Variants in ADD3 observed in about 807,000 individuals in gnomAD.
ADD3 encodes the protein gamma-adducin.
ADD3 carries 25 observed loss-of-function variants against 80.2 expected under a neutral mutation model. That is an observed-to-expected ratio of 0.31 (90% CI 0.23 to 0.44). ADD3 has a LOEUF of 0.44. Ranked by LOEUF, ADD3 falls within the 20% of genes least tolerant of loss-of-function variation. The pLI is 1.00. For synonymous variants in ADD3, 284 were observed against 289.6 expected (o/e 0.98, Z 0.20); for missense variants, 829 against 847.5 (o/e 0.98, Z 0.27).
intron 1 of ADD3, among the ~76,000 whole-genome samples, chr10:110,032,612 C>G (rs1855178335): frequency 6.6e-6 from 1 of 152,082 alleles, no homozygotes; most frequent in African/African-American, 2.4e-5. Context: ...GTATAGTATG[C>G]TAGAAAGAGA....
intron 1 of ADD3, among the ~76,000 whole-genome samples, chr10:110,083,623 G>A (rs1846345565): frequency 6.6e-6 from 1 of 152,152 alleles, no homozygotes; most frequent in Non-Finnish European, 1.5e-5. Flanking sequence ...AATAGGGATG[G>A]ACTTTGAAGT....
chr10:110,020,780 T>C (rs1853579253), intron 1 of ADD3, among the ~76,000 whole-genome samples: 1 of 152,210 alleles, frequency 6.6e-6, no homozygotes, highest in Non-Finnish European at 1.5e-5. Flanking sequence ...GGATATATTT[T>C]AAAGATAGAA....
upstream of ADD3, among the ~76,000 whole-genome samples, chr10:110,000,868 T>A (rs554250981): frequency 2.0e-5 from 3 of 152,322 alleles, no homozygotes; most frequent in South Asian, 6.2e-4. Flanking sequence ...AAATAACACA[T>A]ATAAGACATT....
At chr10:110,119,662 T>C (rs1211368691) in intron 8 of ADD3, 98 bp downstream of exon 8, 30 of 1,037,884 alleles carry the variant, frequency 2.9e-5, no homozygotes, top group East Asian at 2.4e-5. Flanking sequence ...TTAGTGGCTT[T>C]TTGTCTTTTA....
chr10:110,003,302 G>GGGGTGTGTGTGTGTTTGT (rs140966434), upstream of ADD3, among the ~76,000 whole-genome samples: 1 of 146,942 alleles, frequency 6.8e-6, no homozygotes, highest in African/African-American at 2.6e-5. Flanking sequence ...GAACAGTAAG[G>GGGGTGTGTGTGTGTTTGT]GTGTGTGTGT....
chr10:110,019,660 CT>C (rs1853434870), intron 1 of ADD3, among the ~76,000 whole-genome samples: 1 of 152,072 alleles, frequency 6.6e-6, no homozygotes, highest in Non-Finnish European at 1.5e-5. Flanking sequence ...GGCTAGTTTT[CT>C]TTTATATAAA....
upstream of ADD3, chr10:110,006,119 C>T (rs1445807368): frequency 6.5e-6 from 1 of 154,458 alleles, no homozygotes; most frequent in Admixed American, 6.5e-5. Context: ...CGTCTACTAC[C>T]CTTGTTAGAA....
At chr10:110,052,802 A>G (rs1164613549) in intron 1 of ADD3, among the ~76,000 whole-genome samples, 1 of 152,360 alleles carries the variant, frequency 6.6e-6, no homozygotes, top group East Asian at 1.9e-4. Flanking sequence ...CAGTGACTCA[A>G]ATGAAAGGAA....
intron 1 of ADD3, among the ~76,000 whole-genome samples, chr10:110,072,562 T>G (rs1401740950): frequency 1.3e-5 from 2 of 152,128 alleles, no homozygotes; most frequent in Non-Finnish European, 2.9e-5. Flanking sequence ...TAGGAGGCTT[T>G]TCTTTACAAA....
intron 1 of ADD3, among the ~76,000 whole-genome samples, chr10:110,091,341 C>T (rs1164712601): frequency 6.6e-6 from 1 of 152,098 alleles, no homozygotes; most frequent in Non-Finnish European, 1.5e-5. Flanking sequence ...GTGAGAAGAA[C>T]CTTTGGTAAT....
At position 110,133,704 on chromosome 10, in the gene ADD3, G is replaced by T; in HGVS notation, c.*86G>T. The T allele has an allele frequency of 8.6e-7, 1 of 1,160,084 alleles. No homozygotes were observed. The allele number at this position is 1,160,084 out of a possible 1,614,324, so 71.9% of individuals were successfully genotyped here. On this transcript the variant is annotated 3_prime_UTR_variant, in exon 15 of 15. Coordinates refer to ENST00000356080, the MANE Select transcript of ADD3 (RefSeq NM_016824.5). ...TTAAGTTGATCATTAATATGCAATG[G>T]TAGATCAGATTGGGGGATGTAGCAA...
intron 1 of ADD3, among the ~76,000 whole-genome samples, chr10:110,021,500 G>A (rs539750523): frequency 1.6e-4 from 24 of 152,196 alleles, no homozygotes; most frequent in Non-Finnish European, 2.8e-4. Context: ...AAACAAATGC[G>A]GTATCCATGC....
At chr10:110,077,173 A>G (rs970419588) in intron 1 of ADD3, 1 of 152,230 alleles carries the variant, frequency 6.6e-6, no homozygotes, top group African/African-American at 2.4e-5. Flanking sequence ...AAGGGGAAAC[A>G]CAGATAAGAT....
At chr10:110,053,011 CAA>C (rs895744641) in intron 1 of ADD3, among the ~76,000 whole-genome samples, 9 of 152,026 alleles carry the variant, frequency 5.9e-5, no homozygotes, top group Admixed American at 3.3e-4. Context: ...AAAATGGAAA[CAA>C]ACAAACAAAC....
chr10:110,068,107 C>T (rs1844197723), intron 1 of ADD3, among the ~76,000 whole-genome samples: 1 of 152,040 alleles, frequency 6.6e-6, no homozygotes, highest in South Asian at 2.1e-4. Context: ...TGGGTGTGGC[C>T]CAGCGTCTTT....
At position 110,133,370 on chromosome 10, in the gene ADD3, C is replaced by T; in HGVS notation, c.1873C>T (p.Pro625Ser). 1 of 1,604,896 alleles carries T rather than the reference C, an allele frequency of 6.2e-7. No homozygotes were observed. The highest frequency in any genetic ancestry group is 8.5e-7 in the Non-Finnish European group (1 of 1,172,824). ...CAAGAGCTTCATCTCCATGGAAGTG[C>T]CTGTCATGGTAGTAAATGGCAAGGA... ...FSKSFISMEV[P>S]VMVVNGKDDM... The change falls in exon 15 of 15, where the codon CCT (proline) becomes TCT (serine). Residue 625 changes from proline (P) to serine (S), a missense_variant. By Grantham distance (74) the Pro-to-Ser change is moderately conservative. Coordinates refer to ENST00000356080, the MANE Select transcript of ADD3 (RefSeq NM_016824.5).
intron 10 of ADD3, 99 bp downstream of exon 10, chr10:110,124,373 A>G (rs897416312): frequency 8.4e-6 from 11 of 1,311,938 alleles, no homozygotes; most frequent in Admixed American, 6.8e-5. Flanking sequence ...AAGTAAAATA[A>G]TATTAAAAAT....
Position 110,018,225 on chromosome 10 carries a change from T to C in ADD3, c.-30+9926T>C, listed in dbSNP as rs555858364. Among the ~76,000 whole-genome samples, 11 of 152,130 alleles carry C rather than the reference T, an allele frequency of 7.2e-5. No individual in the cohort carries two copies. The South Asian group carries it at 2.3e-3, about 32-fold the overall frequency. ...AAAACAAATGCCACAGGTCAACTGG[T>C]CAAGAAAAGAGATGGAGTGGGCTGG... On this transcript the variant is annotated intron_variant, in intron 1 of 14. Coordinates refer to ENST00000356080, the MANE Select transcript of ADD3 (RefSeq NM_016824.5).
intron 6 of ADD3, 118 bp from the exon 7 acceptor site, chr10:110,119,093 C>A: frequency 9.2e-7 from 1 of 1,086,948 alleles, no homozygotes; most frequent in Non-Finnish European, 1.3e-6. Context: ...AAGTGGGCTG[C>A]AATGGTGAAA....
Sources: allele counts gnomAD v4.1 joint callset (sites outside exome capture counted in the v4.1 genomes callset), GRCh38; gene constraint gnomAD v4.1.1; transcripts MANE v1.5; gene names NCBI Gene and HGNC (gene_info 2026-07-23, HGNC 2026-07-21).